The following SLIT3 variants were observed in gnomAD, a reference collection of about 807,000 sequenced individuals.
The protein encoded by SLIT3 is slit homolog 3 protein.
A neutral mutation model predicts 184.0 loss-of-function variants in SLIT3; 68 were observed. The ratio of observed to expected loss-of-function variants is 0.37; its 90% CI spans 0.30 to 0.45. SLIT3 has a LOEUF of 0.45. Ranked by LOEUF, SLIT3 falls within the 20% of genes least tolerant of loss-of-function variation. The pLI, the probability that SLIT3 is intolerant of heterozygous loss-of-function variation, is 1.00. For synonymous variants in SLIT3, 831 were observed against 828.6 expected, an observed-to-expected ratio of 1.00 and a Z score of -0.05; for missense variants, 1,707 against 2,026.0, an observed-to-expected ratio of 0.84 and a Z score of 3.02.
intron 6 of SLIT3, among the ~76,000 whole-genome samples, chr5:168,832,381 TA>T (rs1278941819): frequency 3.3e-5 from 5 of 152,238 alleles, no homozygotes; most frequent in African/African-American, 1.2e-4. Context: ...TGAATGTGTA[TA>T]CTAGGCATGG....
At chr5:169,271,606 C>T (rs186044151) in intron 1 of SLIT3, among the ~76,000 whole-genome samples, 22 of 152,292 alleles carry the variant, frequency 1.4e-4, no homozygotes, top group African/African-American at 5.3e-4. Flanking sequence ...GTGGAAAACA[C>T]AAGCACGTGG....
intron 3 of SLIT3, among the ~76,000 whole-genome samples, chr5:169,194,639 T>G (rs1028278349): frequency 6.6e-6 from 1 of 152,206 alleles, no homozygotes; most frequent in Non-Finnish European, 1.5e-5. Flanking sequence ...CTAACAGTAT[T>G]GTAGACCCTT....
intron 4 of SLIT3, among the ~76,000 whole-genome samples, chr5:168,951,198 C>T (rs62377204): frequency 1.3e-5 from 2 of 152,070 alleles, no homozygotes; most frequent in African/African-American, 4.8e-5. Flanking sequence ...CCAGCCTGGG[C>T]GACAGAGCAA....
intron 4 of SLIT3, among the ~76,000 whole-genome samples, chr5:169,021,585 T>A (rs61446637): frequency 0.16 from 24,059 of 151,990 alleles, 2,287 homozygotes; most frequent in East Asian, 0.5. Context: ...TCCTGACCTC[T>A]GGTGATCGAC....
chr5:169,068,842 C>CAAA (rs5873146), intron 4 of SLIT3, among the ~76,000 whole-genome samples: 1 of 149,602 alleles, frequency 6.7e-6, no homozygotes, highest in South Asian at 2.1e-4. Flanking sequence ...TTAAAAGCCT[C>CAAA]AAAAAAAAAA....
In SLIT3 at chr5:169,203,052, T is replaced by C. The variant is rs993128725; in HGVS notation, c.342-9502A>G. ...AGGGAGAAGATGGACAAGAGTCCTG[T>C]CTACACAGAGGTGGAAAATCACTGG... On this transcript the variant is annotated intron_variant, in intron 3 of 35. Transcript: ENST00000519560. Among the ~76,000 whole-genome samples the C allele has an allele frequency of 2.0e-5, 3 of 152,118 alleles. No homozygotes were observed. In the East Asian group the frequency reaches 5.8e-4, roughly 29 times the overall value.
intron 23 of SLIT3, among the ~76,000 whole-genome samples, chr5:168,718,489 G>GT (rs907378492): frequency 6.6e-6 from 1 of 152,142 alleles, no homozygotes; most frequent in African/African-American, 2.4e-5. Context: ...GTGACTTGGT[G>GT]TGGAGCAAAG....
At chr5:169,162,391 G>A (rs1003709073) in intron 4 of SLIT3, among the ~76,000 whole-genome samples, 1 of 152,206 alleles carries the variant, frequency 6.6e-6, no homozygotes, top group Non-Finnish European at 1.5e-5. Context: ...AGCAGGAGAA[G>A]AAGTTCCTTT....
intron 25 of SLIT3, among the ~76,000 whole-genome samples, chr5:168,709,294 C>T (rs1762474613): frequency 6.6e-6 from 1 of 152,014 alleles, no homozygotes; most frequent in Admixed American, 6.6e-5. Flanking sequence ...TGGGGTTTCC[C>T]CTTGTTGGGC....
At chr5:168,864,114 G>A (rs1406317887) in intron 5 of SLIT3, among the ~76,000 whole-genome samples, 1 of 152,088 alleles carries the variant, frequency 6.6e-6, no homozygotes, top group Non-Finnish European at 1.5e-5. Flanking sequence ...AGGGGCTGAG[G>A]CAGAAGGATC....
chr5:168,738,489 T>C (rs1430121314), intron 20 of SLIT3, among the ~76,000 whole-genome samples: 3 of 152,222 alleles, frequency 2.0e-5, no homozygotes, highest in Non-Finnish European at 4.4e-5. Context: ...AAAGTACCTG[T>C]GTAATTGAGT....
intron 4 of SLIT3, among the ~76,000 whole-genome samples, chr5:169,118,616 C>T (rs1302919655): frequency 6.6e-6 from 1 of 152,190 alleles, no homozygotes; most frequent in Admixed American, 6.5e-5. Context: ...GAAGAAATGA[C>T]CCAGGAATTT....
intron 3 of SLIT3, among the ~76,000 whole-genome samples, chr5:169,209,385 C>A (rs941364975): frequency 2.0e-5 from 3 of 152,164 alleles, no homozygotes; most frequent in Non-Finnish European, 4.4e-5. Context: ...TTGTGGAAGA[C>A]AATGTGGCGA....
At chr5:168,975,740 G>C (rs962466563) in intron 4 of SLIT3, among the ~76,000 whole-genome samples, 49 of 152,090 alleles carry the variant, frequency 3.2e-4, no homozygotes, top group African/African-American at 1.2e-3. Context: ...CTCCCCAGAA[G>C]TCCTCTAGAA....
At chr5:168,787,888 G>A (rs940504843) in intron 11 of SLIT3, among the ~76,000 whole-genome samples, 7 of 152,148 alleles carry the variant, frequency 4.6e-5, no homozygotes, top group Admixed American at 2.0e-4. Context: ...TCAGGCCAAG[G>A]ATCCTGTGTG....
At position 168,700,569 on chromosome 5, in the gene SLIT3, G is replaced by A. The variant is rs750684817; in HGVS notation, c.2942+13C>T. The A allele has an allele frequency of 1.0e-5, 16 of 1,590,056 alleles. No homozygotes were observed. Among genetic ancestry groups the A allele is most frequent in the Non-Finnish European group, 1.4e-5 (16 of 1,158,206 alleles). On this transcript the variant is annotated intron_variant, in intron 27 of 35. Transcript: ENST00000519560. Reference sequence around the variant, plus strand: ...AACTAATACAGTGAGGGAGGCCAGGGGTGAACTGTTACCTGAACCCATCCT... The same window carrying A: ...AACTAATACAGTGAGGGAGGCCAGGAGTGAACTGTTACCTGAACCCATCCT...
chr5:169,281,209 T>A (rs1293002183), intron 1 of SLIT3, among the ~76,000 whole-genome samples: 1 of 152,218 alleles, frequency 6.6e-6, no homozygotes, highest in East Asian at 1.9e-4. Context: ...AGGGGGAGGC[T>A]GGGCGCAGTG....
rs200448774 is a variant in SLIT3 at position 168,789,607 on chromosome 5, C to T, written c.1032G>A (p.Ser344=). 5.5e-5 allele frequency: 89 copies of T among 1,613,574 alleles called. No homozygotes were observed. The highest frequency in any genetic ancestry group is 8.3e-5 in the Admixed American group (5 of 59,972). ...CCTGGAAGGCATCTGGAGCAATATC[C>T]GATATCTGATTCTTGCTGATGTCTC... ...KRIDISKNQI[S]DIAPDAFQGL... Residue 344 remains serine, a synonymous_variant, in exon 11 of 36, where the codon TCG becomes TCA. Transcript: ENST00000519560.
intron 10 of SLIT3, chr5:168,790,850 A>G (rs1756338465): frequency 6.6e-6 from 1 of 152,200 alleles, no homozygotes; most frequent in South Asian, 2.1e-4. Context: ...CCTTCTTCTA[A>G]TAGATTTCAA....
Sources: gnomAD v4.1 joint callset for allele counts (sites outside exome capture counted in the v4.1 genomes callset) on GRCh38, gnomAD v4.1.1 for gene constraint, MANE v1.5 for transcripts, NCBI Gene and HGNC (gene_info 2026-07-23, HGNC 2026-07-21) for gene names.